The following MYOCOS variants were observed in gnomAD, a reference collection of about 807,000 sequenced individuals.
MYOCOS encodes myocilin opposite strand protein.
intron 1 of MYOCOS, among the ~76,000 whole-genome samples, chr1:171,607,518 G>T (rs534017037): frequency 2.0e-5 from 3 of 152,234 alleles, no homozygotes; most frequent in African/African-American, 7.2e-5. Context: ...GTGTATTAAG[G>T]TACCATGGAA....
chr1:171,621,215 C>T (rs1490771198), upstream of MYOCOS, among the ~76,000 whole-genome samples: 1 of 152,162 alleles, frequency 6.6e-6, no homozygotes, highest in African/African-American at 2.4e-5. Context: ...ATATTTGGTT[C>T]AGAATCTCTT....
chr1:171,614,072 C>T (rs544795285), intron 1 of MYOCOS, among the ~76,000 whole-genome samples: 2 of 152,268 alleles, frequency 1.3e-5, no homozygotes, highest in East Asian at 3.9e-4. Context: ...CCAATTTATT[C>T]CCTTCCAACA....
intron 1 of MYOCOS, among the ~76,000 whole-genome samples, chr1:171,606,987 G>A (rs1238003863): frequency 6.6e-6 from 1 of 151,622 alleles, no homozygotes; most frequent in Admixed American, 6.6e-5. Flanking sequence ...CCAGCTACTT[G>A]GGAGGCTGAG....
At chr1:171,600,886 G>A (rs1032633146) in exon 1 of MYOCOS, 3 of 152,224 alleles carry the variant, frequency 2.0e-5, no homozygotes, top group African/African-American at 7.2e-5. Flanking sequence ...CTACAACTTG[G>A]TGTCTGAGAG....
upstream of MYOCOS, among the ~76,000 whole-genome samples, chr1:171,620,316 C>A (rs144525496): frequency 6.6e-6 from 1 of 151,970 alleles, no homozygotes; most frequent in Non-Finnish European, 1.5e-5. Flanking sequence ...GACTTACTCT[C>A]CAACCTGACT....
intron 1 of MYOCOS, 113 bp downstream of exon 1, chr1:171,622,445 T>G (rs951834754): frequency 7.9e-5 from 12 of 152,198 alleles, no homozygotes; most frequent in Non-Finnish European, 1.0e-4. Flanking sequence ...GAAGTTGACG[T>G]TGGTGGTCCT....
intron 1 of MYOCOS, among the ~76,000 whole-genome samples, chr1:171,611,449 A>T (rs1173005498): frequency 6.6e-6 from 1 of 152,186 alleles, no homozygotes; most frequent in Non-Finnish European, 1.5e-5. Context: ...GGCTATTTCA[A>T]GTAGTTCTAT....
upstream of MYOCOS, among the ~76,000 whole-genome samples, chr1:171,618,601 T>C (rs1459745211): frequency 6.6e-6 from 1 of 152,004 alleles, no homozygotes. Flanking sequence ...TTTGAGATGG[T>C]GTCTTGCTCT....
upstream of MYOCOS, among the ~76,000 whole-genome samples, chr1:171,618,930 TG>T (rs1225544568): frequency 1.3e-5 from 2 of 152,158 alleles, no homozygotes; most frequent in Admixed American, 1.3e-4. Context: ...GAGTATCTTT[TG>T]ACATGAGTAT....
chr1:171,622,533 G>C (rs1652596771), intron 1 of MYOCOS, among the ~76,000 whole-genome samples: 1 of 152,138 alleles, frequency 6.6e-6, no homozygotes, highest in Non-Finnish European at 1.5e-5. Flanking sequence ...ATATTTCTTA[G>C]CAAATCCATG....
At chr1:171,607,555 TA>T (rs898608033) in intron 1 of MYOCOS, among the ~76,000 whole-genome samples, 1 of 151,988 alleles carries the variant, frequency 6.6e-6, no homozygotes, top group East Asian at 1.9e-4. Context: ...TGTGGTTCTC[TA>T]AAAAAAACGA....
At chr1:171,608,110 G>T (rs375971788) in intron 1 of MYOCOS, among the ~76,000 whole-genome samples, 2 of 152,148 alleles carry the variant, frequency 1.3e-5, no homozygotes, top group Non-Finnish European at 2.9e-5. Flanking sequence ...CTCCCACCGG[G>T]TCCCTCCCAC....
chr1:171,615,682 C>T (rs1204329541), intron 2 of MYOCOS, among the ~76,000 whole-genome samples: 2 of 152,176 alleles, frequency 1.3e-5, no homozygotes, highest in Non-Finnish European at 2.9e-5. Context: ...CTCTGACCAC[C>T]GGTGCATGCA....
chr1:171,612,180 G>A (rs1033771772), intron 1 of MYOCOS, among the ~76,000 whole-genome samples: 7 of 152,146 alleles, frequency 4.6e-5, no homozygotes, highest in Non-Finnish European at 5.9e-5. Flanking sequence ...AGATTCAAGC[G>A]ATTCTCCTGC....
chr1:171,619,719 C>A (rs1652518304), upstream of MYOCOS, among the ~76,000 whole-genome samples: 1 of 151,728 alleles, frequency 6.6e-6, no homozygotes, highest in Non-Finnish European at 1.5e-5. Context: ...CACCTGTGGT[C>A]CCAGCTACTC....
intron 1 of MYOCOS, among the ~76,000 whole-genome samples, chr1:171,614,354 G>T (rs141120119): frequency 1.7e-4 from 26 of 152,306 alleles, no homozygotes; most frequent in Middle Eastern, 3.4e-3. Flanking sequence ...ATCAATATCT[G>T]TGGGAGAATT....
At chr1:171,604,951 G>T (rs1652216877) in intron 1 of MYOCOS, among the ~76,000 whole-genome samples, 1 of 152,046 alleles carries the variant, frequency 6.6e-6, no homozygotes, top group Non-Finnish European at 1.5e-5. Flanking sequence ...ATTAGGCATT[G>T]ATGAAAAAGG....
chr1:171,618,579 G>GTTTA (rs1652492212), upstream of MYOCOS, among the ~76,000 whole-genome samples: 1 of 151,894 alleles, frequency 6.6e-6, no homozygotes, highest in Non-Finnish European at 1.5e-5. Flanking sequence ...TTGTTTGTTT[G>GTTTA]TTTGTTTGTT....
intron 2 of MYOCOS, among the ~76,000 whole-genome samples, chr1:171,616,043 C>CT (rs2102936386): frequency 1.3e-5 from 2 of 150,778 alleles, no homozygotes; most frequent in South Asian, 2.1e-4. Flanking sequence ...CGTGGTGAAA[C>CT]CTGTCTCTAC....
Sources: gnomAD v4.1 joint callset for allele counts (sites outside exome capture counted in the v4.1 genomes callset) on GRCh38, gnomAD v4.1.1 for gene constraint, MANE v1.5 for transcripts, NCBI Gene and HGNC (gene_info 2026-07-23, HGNC 2026-07-21) for gene names.